Variants in CDKN2B-AS1 observed in about 807,000 individuals in gnomAD.
CDKN2B-AS1 encodes the protein CDKN2B and CDKN2A antisense cis and trans regulatory RNA 1, also known as CDKN2B antisense RNA 1 (non-protein coding).
At chr9:22,081,036 C>T (rs1274175707) in intron 4 of CDKN2B-AS1, among the ~76,000 whole-genome samples, 1 of 152,164 alleles carries the variant, frequency 6.6e-6, no homozygotes, top group Non-Finnish European at 1.5e-5. Flanking sequence ...CTTGTTCATA[C>T]TGCAGTACAT....
chr9:22,099,802 G>T (rs1825420582), intron 4 of CDKN2B-AS1, among the ~76,000 whole-genome samples: 1 of 152,146 alleles, frequency 6.6e-6, no homozygotes, highest in Non-Finnish European at 1.5e-5. Context: ...TGGAAAAAAG[G>T]TGTGCATGGA....
chr9:22,064,708 A>G (rs1823969501), intron 4 of CDKN2B-AS1, among the ~76,000 whole-genome samples: 1 of 152,086 alleles, frequency 6.6e-6, no homozygotes, highest in African/African-American at 2.4e-5. Flanking sequence ...GAGGATCTGA[A>G]CATGGGCTGC....
At chr9:22,084,396 ACTC>A (rs1824798610) in intron 4 of CDKN2B-AS1, among the ~76,000 whole-genome samples, 1 of 152,212 alleles carries the variant, frequency 6.6e-6, no homozygotes, top group Admixed American at 6.5e-5. Flanking sequence ...TTTATTTAAA[ACTC>A]AGTTGAATTT....
chr9:22,049,471 G>A (rs1407464111), intron 3 of CDKN2B-AS1, among the ~76,000 whole-genome samples: 1 of 74,530 alleles, frequency 1.3e-5, no homozygotes, highest in Non-Finnish European at 2.1e-5. Context: ...TTTGTCCTCT[G>A]CTTTTAGGAC....
rs138812461 is a variant in CDKN2B-AS1, at chr9:22,110,845, T to G, written n.439-16258T>G. Reference sequence around the variant, plus strand: ...TGTGCCAAACATTAACTTGTTTTCTTTAGCTTTGCCATCTATGTATGTATC... The same window carrying G: ...TGTGCCAAACATTAACTTGTTTTCTGTAGCTTTGCCATCTATGTATGTATC... On this transcript the variant is annotated intron_variant and non_coding_transcript_variant, in intron 4 of 4. Transcript: ENST00000650946. 4.0e-3 allele frequency among the ~76,000 whole-genome samples: 613 copies of G among 152,284 alleles called. 8 individuals carry two copies. Among genetic ancestry groups the G allele is most frequent in the African/African-American group, 0.014 (579 of 41,580 alleles).
Position 22,005,359 on chromosome 9 carries a change from G to A in CDKN2B-AS1, n.29+10198G>A. 4.1e-6 allele frequency: 1 copy of A among 242,700 alleles called. No individual in the cohort carries two copies. 15.0% of individuals were successfully genotyped at this position (242,700 alleles called of 1,614,324 possible). A position where few individuals can be genotyped will look rare whatever the true frequency, so the allele number is the denominator to read the frequency against. On this transcript the variant is annotated intron_variant and non_coding_transcript_variant, in intron 1 of 4. Transcript: ENST00000650946. This position sits in a 1 kb window ranked among gnomAD's most constrained non-coding sequence, Gnocchi z 4.9. Reference sequence around the variant, plus strand: ...TCTCTTACCCCTCTGCTATCTGGTGGAGTTGGGCGAGGGTCTCCAGGGCTT... The same window carrying A: ...TCTCTTACCCCTCTGCTATCTGGTGAAGTTGGGCGAGGGTCTCCAGGGCTT...
intron 4 of CDKN2B-AS1, among the ~76,000 whole-genome samples, chr9:22,106,071 T>C (rs1825649334): frequency 6.6e-6 from 1 of 151,596 alleles, no homozygotes; most frequent in Non-Finnish European, 1.5e-5. Context: ...CCACCACATC[T>C]GGATAATTTT....
intron 1 of CDKN2B-AS1, chr9:22,012,516 T>A (rs1462451249): frequency 3.1e-6 from 2 of 638,832 alleles, no homozygotes; most frequent in East Asian, 3.4e-5. Flanking sequence ...ACCAACAACC[T>A]GCACCCCAAG....
rs1394118323 is a variant in CDKN2B-AS1 at position 22,105,749 on chromosome 9, C to T, written n.439-21354C>T. On this transcript the variant is annotated intron_variant and non_coding_transcript_variant, in intron 4 of 4. Transcript: ENST00000650946. ...CCAATGTCCTGAAAAAGCATGTGGG[C>T]CCAGAAATACTGTTGTGGCAATTTT... Among the ~76,000 whole-genome samples, 5 of 152,204 alleles carry T rather than the reference C, an allele frequency of 3.3e-5. No individual in the cohort carries two copies. The East Asian group carries it at 9.6e-4, about 29-fold the overall frequency.
rs1181699418 is a variant in CDKN2B-AS1 at position 22,114,513 on chromosome 9, G to T, written n.439-12590G>T. Among the ~76,000 whole-genome samples the T allele has an allele frequency of 3.3e-5, 5 of 152,292 alleles. No homozygotes were observed. The East Asian group carries it at 7.7e-4, about 23-fold the overall frequency. On this transcript the variant is annotated intron_variant and non_coding_transcript_variant, in intron 4 of 4. Transcript: ENST00000650946. Reference sequence around the variant, plus strand: ...TCATCCCCATGAAGGAGAAAGGAGAGGAAGGCAAAGAAGAAAAACCTTAAG... The same window carrying T: ...TCATCCCCATGAAGGAGAAAGGAGATGAAGGCAAAGAAGAAAAACCTTAAG...
intron 4 of CDKN2B-AS1, among the ~76,000 whole-genome samples, chr9:22,089,229 A>T (rs1824975496): frequency 6.6e-6 from 1 of 152,218 alleles, no homozygotes; most frequent in Non-Finnish European, 1.5e-5. Context: ...TAACTATGTA[A>T]TAAGACCCAG....
rs574469406 is a variant in CDKN2B-AS1 at position 22,001,688 on chromosome 9, C to T, written n.29+6527C>T. Among the ~76,000 whole-genome samples the T allele has an allele frequency of 5.3e-5, 8 of 152,072 alleles. No homozygotes were observed. The highest frequency in any genetic ancestry group is 2.1e-4 in the South Asian group (1 of 4,816). On this transcript the variant is annotated intron_variant and non_coding_transcript_variant, in intron 1 of 4. Coordinates refer to ENST00000650946, the Ensembl canonical transcript of CDKN2B-AS1. This position sits in a 1 kb window ranked among gnomAD's most constrained non-coding sequence, Gnocchi z 4.2. Reference sequence around the variant, plus strand: ...TAAAATGAAGTATTCTTTTTCCTTACGCAAGGAATGACATTAAAATCTTCT... The same window carrying T: ...TAAAATGAAGTATTCTTTTTCCTTATGCAAGGAATGACATTAAAATCTTCT...
chr9:22,122,252 T>G (rs937065655), intron 4 of CDKN2B-AS1, among the ~76,000 whole-genome samples: 25 of 152,094 alleles, frequency 1.6e-4, no homozygotes, highest in African/African-American at 5.5e-4. Flanking sequence ...ATTAGATTGT[T>G]TTTACTGTTG....
At chr9:22,037,040 G>A (rs1029985014) in intron 1 of CDKN2B-AS1, among the ~76,000 whole-genome samples, 2 of 152,006 alleles carry the variant, frequency 1.3e-5, no homozygotes, top group Non-Finnish European at 2.9e-5. Context: ...TTGTGTACAT[G>A]TCTGGTTTCG....
chr9:22,107,978 A>G (rs906391596), intron 4 of CDKN2B-AS1, among the ~76,000 whole-genome samples: 1 of 152,232 alleles, frequency 6.6e-6, no homozygotes, highest in Non-Finnish European at 1.5e-5. Flanking sequence ...AAAGTTAACT[A>G]AAATGAAGAA....
At chr9:22,062,725 C>G (rs1216034468) in intron 4 of CDKN2B-AS1, among the ~76,000 whole-genome samples, 2 of 151,976 alleles carry the variant, frequency 1.3e-5, no homozygotes, top group Non-Finnish European at 2.9e-5. Flanking sequence ...TTGGCTCCAC[C>G]ACCTACCAGT....
At chr9:22,088,665 T>G (rs1009189344) in intron 4 of CDKN2B-AS1, among the ~76,000 whole-genome samples, 2 of 152,222 alleles carry the variant, frequency 1.3e-5, no homozygotes, top group South Asian at 4.1e-4. Flanking sequence ...AAGTGGAGAA[T>G]TACTGTCCTC....
At chr9:22,041,708 A>C (rs539125924) in intron 1 of CDKN2B-AS1, among the ~76,000 whole-genome samples, 3 of 152,170 alleles carry the variant, frequency 2.0e-5, no homozygotes, top group Non-Finnish European at 2.9e-5. Flanking sequence ...TATTTTCTTT[A>C]TATTTGAAGA....
intron 3 of CDKN2B-AS1, among the ~76,000 whole-genome samples, chr9:22,052,857 C>T (rs767987801): frequency 2.0e-4 from 30 of 152,230 alleles, no homozygotes; most frequent in Non-Finnish European, 4.1e-4. Context: ...TAAATCTACA[C>T]ACCACAAAGC....
Sources: gnomAD v4.1 joint callset for allele counts (sites outside exome capture counted in the v4.1 genomes callset) on GRCh38, gnomAD v4.1.1 for gene constraint, Gnocchi (gnomAD v3.1) non-coding constraint, MANE v1.5 for transcripts, NCBI Gene and HGNC (gene_info 2026-07-23, HGNC 2026-07-21) for gene names.